Variants in MCTP1 observed in about 807,000 individuals in gnomAD.
MCTP1 encodes multiple C2 and transmembrane domain-containing protein 1.
In MCTP1, 69 loss-of-function variants were observed where a neutral mutation model predicts 120.6. The observed-to-expected ratio is 0.57, with a 90% CI of 0.47 to 0.70. The LOEUF (loss-of-function observed/expected upper bound fraction) is 0.70. Among genes scored for constraint, MCTP1 ranks in the 30% least tolerant of loss-of-function variants. The pLI, the probability that MCTP1 is intolerant of heterozygous loss-of-function variation, is 0.00. For missense variants in MCTP1, 1,203 were observed against 1,248.8 expected, an observed-to-expected ratio of 0.96 and a Z score of 0.55; for synonymous variants, 529 against 493.1, an observed-to-expected ratio of 1.07 and a Z score of -0.96.
chr5:94,838,886 G>T (rs922318833), intron 17 of MCTP1, among the ~76,000 whole-genome samples: 6 of 152,162 alleles, frequency 3.9e-5, no homozygotes, highest in Non-Finnish European at 8.8e-5. Flanking sequence ...AGGGGCAGAT[G>T]TGGACTGATT....
intron 1 of MCTP1, among the ~76,000 whole-genome samples, chr5:95,183,071 C>G (rs960974161): frequency 6.7e-6 from 1 of 150,222 alleles, no homozygotes; most frequent in African/African-American, 2.4e-5. Flanking sequence ...ATAATCAAAT[C>G]AGGACAGCGC....
At chr5:94,773,187 C>T (rs1349167099) in intron 19 of MCTP1, among the ~76,000 whole-genome samples, 1 of 152,120 alleles carries the variant, frequency 6.6e-6, no homozygotes, top group Non-Finnish European at 1.5e-5. Flanking sequence ...TAGCCCTTTC[C>T]TGTCCAAACA....
chr5:95,073,633 C>T (rs1392246297), intron 1 of MCTP1, among the ~76,000 whole-genome samples: 1 of 152,162 alleles, frequency 6.6e-6, no homozygotes, highest in African/African-American at 2.4e-5. Context: ...TGGGAGCACA[C>T]TGGATATGCT....
intron 1 of MCTP1, among the ~76,000 whole-genome samples, chr5:95,187,493 G>A (rs1030745512): frequency 5.9e-5 from 9 of 152,068 alleles, no homozygotes; most frequent in South Asian, 2.1e-4. Flanking sequence ...TCCACCTTCC[G>A]CGTTCAAGTG....
chr5:95,104,130 G>A (rs561724755), intron 1 of MCTP1, among the ~76,000 whole-genome samples: 20 of 152,188 alleles, frequency 1.3e-4, no homozygotes, highest in African/African-American at 4.6e-4. Flanking sequence ...TATAACCTGA[G>A]CCCAACAGAA....
intron 2 of MCTP1, among the ~76,000 whole-genome samples, chr5:95,007,059 C>T (rs1460463809): frequency 1.3e-5 from 2 of 152,066 alleles, no homozygotes; most frequent in African/African-American, 4.8e-5. Flanking sequence ...AACTTACAAT[C>T]ATGGTGGAAG....
rs558408566 is a variant in MCTP1, at chr5:94,721,850, T to A, written c.2611-6964A>T. ...TTGGTAGTGACACTGTTTTGTTTTT[T>A]TTTTTTTAATGCATTATTAAGGTTT... On this transcript the variant is annotated intron_variant, in intron 19 of 22. Coordinates refer to ENST00000515393, the MANE Select transcript of MCTP1 (RefSeq NM_024717.7). 1.5e-4 allele frequency among the ~76,000 whole-genome samples: 22 copies of A among 150,812 alleles called. 1 individual carries two copies. Among genetic ancestry groups the A allele is most frequent in the Non-Finnish European group, 2.4e-4 (16 of 67,656 alleles).
chr5:94,842,638 C>A (rs558138273), intron 17 of MCTP1, among the ~76,000 whole-genome samples: 1 of 152,300 alleles, frequency 6.6e-6, no homozygotes, highest in African/African-American at 2.4e-5. Context: ...GCAAATCCAA[C>A]TATTTTAGAA....
intron 1 of MCTP1, among the ~76,000 whole-genome samples, chr5:95,148,049 G>A (rs762001824): frequency 7.2e-5 from 11 of 152,168 alleles, no homozygotes; most frequent in Non-Finnish European, 1.3e-4. Context: ...AGCTTGTAAG[G>A]TTTCTGCTGA....
At chr5:95,205,384 A>G (rs1235203645) in intron 1 of MCTP1, among the ~76,000 whole-genome samples, 1 of 152,190 alleles carries the variant, frequency 6.6e-6, no homozygotes, top group East Asian at 1.9e-4. Flanking sequence ...AGCTAAAGCT[A>G]TAAAACTCTT....
intron 22 of MCTP1, among the ~76,000 whole-genome samples, chr5:94,707,822 G>A (rs1349736490): frequency 6.6e-6 from 1 of 151,810 alleles, no homozygotes; most frequent in Non-Finnish European, 1.5e-5. Flanking sequence ...TACATTAAAA[G>A]TAAAACCATC....
chr5:95,218,523 A>G (rs1250716368), intron 1 of MCTP1, among the ~76,000 whole-genome samples: 1 of 152,232 alleles, frequency 6.6e-6, no homozygotes, highest in African/African-American at 2.4e-5. Flanking sequence ...TTAATTTCCT[A>G]GTATCAAGGA....
At chr5:95,129,387 C>T (rs549988348) in intron 1 of MCTP1, among the ~76,000 whole-genome samples, 2 of 152,332 alleles carry the variant, frequency 1.3e-5, no homozygotes, top group South Asian at 4.1e-4. Flanking sequence ...TAGCCTCTGT[C>T]AAGAGTAGTT....
At chr5:94,751,446 C>A (rs1037153362) in intron 19 of MCTP1, among the ~76,000 whole-genome samples, 5 of 151,156 alleles carry the variant, frequency 3.3e-5, no homozygotes, top group Admixed American at 3.3e-4. Flanking sequence ...AAAAAAAATT[C>A]TAAGACTTCT....
intron 3 of MCTP1, among the ~76,000 whole-genome samples, chr5:94,947,578 A>ATATC (rs1491181851): frequency 3.4e-5 from 1 of 29,238 alleles, no homozygotes; most frequent in Non-Finnish European, 6.2e-5. Context: ...ATATATATAT[A>ATATC]GAGAGAGAGA....
intron 1 of MCTP1, among the ~76,000 whole-genome samples, chr5:95,160,630 C>G (rs1017198060): frequency 6.6e-6 from 1 of 152,108 alleles, no homozygotes; most frequent in African/African-American, 2.4e-5. Flanking sequence ...TAAAAAGCTT[C>G]TGCACAGCAA....
intron 19 of MCTP1, among the ~76,000 whole-genome samples, chr5:94,762,028 T>A (rs957718152): frequency 6.6e-6 from 1 of 152,210 alleles, no homozygotes; most frequent in African/African-American, 2.4e-5. Flanking sequence ...GTCCCAGGCA[T>A]CTGACTAGAA....
chr5:94,776,002 A>G (rs907194480), intron 19 of MCTP1, among the ~76,000 whole-genome samples: 5 of 149,202 alleles, frequency 3.4e-5, no homozygotes, highest in Non-Finnish European at 7.4e-5. Context: ...CATAATCTGG[A>G]AGAACTTCAA....
At chr5:95,182,134 C>T (rs1748668506) in intron 1 of MCTP1, among the ~76,000 whole-genome samples, 1 of 152,094 alleles carries the variant, frequency 6.6e-6, no homozygotes, top group South Asian at 2.1e-4. Context: ...AGCTCTATAA[C>T]CAAAGGAACT....
Sources: allele counts gnomAD v4.1 joint callset (sites outside exome capture counted in the v4.1 genomes callset), GRCh38; gene constraint gnomAD v4.1.1; transcripts MANE v1.5; gene names NCBI Gene and HGNC (gene_info 2026-07-23, HGNC 2026-07-21).